Variants in GAN observed in about 807,000 individuals in gnomAD.
GAN encodes gigaxonin.
GAN carries 48 observed loss-of-function variants against 71.3 expected under a neutral mutation model. The observed-to-expected ratio is 0.67, with a 90% CI of 0.53 to 0.86. The LOEUF is 0.86. GAN is among the 40% of genes least tolerant of loss of function. The pLI is 0.00. For missense variants in GAN, 928 were observed against 770.1 expected (o/e 1.21, Z -2.43); for synonymous variants, 386 against 276.8 (o/e 1.39, Z -3.92).
In GAN at chr16:81,388,374, A is replaced by G. The variant is rs1904465217; in HGVS notation, c.*10778A>G. 1 of 152,398 alleles carries G rather than the reference A, an allele frequency of 6.6e-6. No homozygotes were observed. Among genetic ancestry groups the G allele is most frequent in the South Asian group, 2.1e-4 (1 of 4,830 alleles). 9.4% of individuals were successfully genotyped at this position (152,398 alleles called of 1,614,324 possible). ...CTCACAGATCCCTGAGCAGACCTGC[A>G]TACTAGCACTTTCCACAACCAGCTG... On this transcript the variant is annotated 3_prime_UTR_variant, in exon 11 of 11. Coordinates refer to ENST00000648994, the MANE Select transcript of GAN (RefSeq NM_022041.4).
intron 1 of GAN, among the ~76,000 whole-genome samples, chr16:81,335,666 G>T (rs1228921476): frequency 6.8e-6 from 1 of 146,578 alleles, no homozygotes; most frequent in Non-Finnish European, 1.5e-5. Flanking sequence ...AGAATCGCTT[G>T]AACTCGGGAG....
intron 1 of GAN, among the ~76,000 whole-genome samples, chr16:81,337,882 G>A (rs1909817084): frequency 6.6e-6 from 1 of 152,174 alleles, no homozygotes; most frequent in Admixed American, 6.5e-5. Flanking sequence ...TGTGCAAGAA[G>A]TATATTATAA....
chr16:81,340,151 A>G (rs1374909925), intron 1 of GAN, among the ~76,000 whole-genome samples: 1 of 152,092 alleles, frequency 6.6e-6, no homozygotes, highest in East Asian at 1.9e-4. Flanking sequence ...GTTGCCCACA[A>G]TGGTCTTGAA....
chr16:81,339,076 C>A (rs553521004), intron 1 of GAN, among the ~76,000 whole-genome samples: 1 of 152,284 alleles, frequency 6.6e-6, no homozygotes, highest in South Asian at 2.1e-4. Flanking sequence ...AAATATTCAT[C>A]TGGGATTAAT....
At position 81,390,083 on chromosome 16, in the gene GAN, T is replaced by TGA. The variant is rs1358787571; in HGVS notation, c.*12488_*12489dup. The TGA allele has an allele frequency of 6.6e-6, 1 of 152,184 alleles. No individual in the cohort carries two copies. Among genetic ancestry groups the TGA allele is most frequent in the Admixed American group, 6.5e-5 (1 of 15,278 alleles). The allele number at this position is 152,184 out of a possible 1,614,324, so 9.4% of individuals were successfully genotyped here. A position where few individuals can be genotyped will look rare whatever the true frequency, so the allele number is the denominator to read the frequency against. ...TATTCAGTGAAGATTGTATTGTGTG[T>TGA]GATATTATCCTATCTTTAATAAAGT... On this transcript the variant is annotated 3_prime_UTR_variant, in exon 11 of 11. Transcript: ENST00000648994.
intron 1 of GAN, among the ~76,000 whole-genome samples, chr16:81,322,657 T>G (rs1909257269): frequency 6.6e-6 from 1 of 152,248 alleles, no homozygotes; most frequent in South Asian, 2.1e-4. Context: ...CATTTGATGC[T>G]TGTGATTTTT....
In GAN at chr16:81,344,685, A is replaced by G. The variant is rs541452350; in HGVS notation, c.168-6898A>G. Among the ~76,000 whole-genome samples, 5 of 152,348 alleles carry G rather than the reference A, an allele frequency of 3.3e-5. No individual in the cohort carries two copies. In the South Asian group the frequency reaches 8.3e-4, roughly 25 times the overall value. ...GAAGAAAACCTGGGCAATACCATTC[A>G]AGACAAAGGCATGGGCAAAGACCAT... On this transcript the variant is annotated intron_variant, in intron 1 of 10. Coordinates refer to ENST00000648994, the MANE Select transcript of GAN (RefSeq NM_022041.4).
At chr16:81,322,182 A>G (rs981399397) in intron 1 of GAN, among the ~76,000 whole-genome samples, 2 of 152,264 alleles carry the variant, frequency 1.3e-5, no homozygotes, top group Non-Finnish European at 2.9e-5. Context: ...ACTGCAAAAT[A>G]GAAATACGTA....
rs1422128742 is a variant in GAN at position 81,384,087 on chromosome 16, A to G, written c.*6491A>G. On this transcript the variant is annotated 3_prime_UTR_variant, in exon 11 of 11. Coordinates refer to ENST00000648994, the MANE Select transcript of GAN (RefSeq NM_022041.4). ...ACTTGCTTTATCATGTTTCCTGTTTAATTGGATGAGAATTACATGCACTTA... is the reference window on the plus strand; with the variant it reads ...ACTTGCTTTATCATGTTTCCTGTTTGATTGGATGAGAATTACATGCACTTA... 2.6e-5 allele frequency: 4 copies of G among 152,056 alleles called. No homozygotes were observed. Among genetic ancestry groups the G allele is most frequent in the African/African-American group, 7.2e-5 (3 of 41,420 alleles). The allele number at this position is 152,056 out of a possible 1,614,324, so 9.4% of individuals were successfully genotyped here.
In GAN at chr16:81,371,700, C is replaced by T. The variant is rs114956581; in HGVS notation, c.1503-5519C>T. ...TCCTGGTTGCCCCAAGACCCCTTTT[C>T]CTGATTGCTGAGTCCTGTAGCCAGA... On this transcript the variant is annotated intron_variant, in intron 9 of 10. Transcript: ENST00000648994. Among the ~76,000 whole-genome samples the T allele has an allele frequency of 4.4e-3, 672 of 152,286 alleles. 4 individuals carry two copies. The highest frequency in any genetic ancestry group is 0.015 in the African/African-American group (644 of 41,552).
Position 81,362,567 on chromosome 16 carries a change from G to A in GAN, c.1042G>A (p.Asp348Asn), listed in dbSNP as rs1283761305. 6.2e-7 allele frequency: 1 copy of A among 1,608,722 alleles called. No homozygotes were observed. The part of the protein sequence containing the change: ...KQTLSSGEKY[D>N]PDANTWTALP... The stretch of plus-strand genomic sequence containing the variant: ...GACTCTTAGCTCAGGAGAAAAGTAT[G>A]ATCCAGATGCAAATACATGGACAGC... The change falls in exon 6 of 11, where the codon GAT becomes AAT. Residue 348 changes from aspartate to asparagine, a missense_variant. Physicochemically the swap from Asp to Asn is conservative, Grantham distance 23. Coordinates refer to ENST00000648994, the MANE Select transcript of GAN (RefSeq NM_022041.4).
intron 1 of GAN, among the ~76,000 whole-genome samples, chr16:81,339,909 A>G (rs903879600): frequency 6.6e-6 from 1 of 152,154 alleles, no homozygotes; most frequent in Non-Finnish European, 1.5e-5. Flanking sequence ...TAAAGTTTTG[A>G]TACTTAACCT....
intron 1 of GAN, among the ~76,000 whole-genome samples, chr16:81,315,702 G>T (rs1001884703): frequency 2.6e-5 from 4 of 152,208 alleles, no homozygotes; most frequent in Non-Finnish European, 5.9e-5. Context: ...CCCAGGCCGG[G>T]CCCGCGGTCC....
rs912711664 is a variant in GAN at position 81,334,524 on chromosome 16, A to G, written c.168-17059A>G. Among the ~76,000 whole-genome samples the G allele has an allele frequency of 3.9e-5, 6 of 152,312 alleles. No individual in the cohort carries two copies. The South Asian group carries it at 1.2e-3, about 32-fold the overall frequency. Reference sequence around the variant, plus strand: ...AAGCGGGCTGAGATGGGGTGCAACTAGGTTTATTCCCAAATGAAAGCCTCC... The same window carrying G: ...AAGCGGGCTGAGATGGGGTGCAACTGGGTTTATTCCCAAATGAAAGCCTCC... On this transcript the variant is annotated intron_variant, in intron 1 of 10. Transcript: ENST00000648994.
At chr16:81,330,929 A>G (rs1909555618) in intron 1 of GAN, among the ~76,000 whole-genome samples, 1 of 152,234 alleles carries the variant, frequency 6.6e-6, no homozygotes, top group Non-Finnish European at 1.5e-5. Context: ...TTAAACAGGC[A>G]GGCATGGTGG....
At position 81,380,996 on chromosome 16, in the gene GAN, T is replaced by G. The variant is rs1296588670; in HGVS notation, c.*3400T>G. The G allele has an allele frequency of 6.6e-6, 1 of 152,202 alleles. No individual in the cohort carries two copies. The highest frequency in any genetic ancestry group is 1.5e-5 in the Non-Finnish European group (1 of 68,030). The allele number at this position is 152,202 out of a possible 1,614,324, so 9.4% of individuals were successfully genotyped here. On this transcript the variant is annotated 3_prime_UTR_variant, in exon 11 of 11. Transcript: ENST00000648994. ...TGGTGTTTTGTTTGTAAACACTTTG[T>G]TATATTGCACTACCACTTTAATGAT...
chr16:81,350,546 C>T (rs550800177), intron 1 of GAN, among the ~76,000 whole-genome samples: 2 of 146,608 alleles, frequency 1.4e-5, no homozygotes, highest in South Asian at 2.1e-4. Flanking sequence ...GGCAGAGTCT[C>T]GCTCTGTCAC....
Position 81,387,170 on chromosome 16 carries a change from C to T in GAN, c.*9574C>T, listed in dbSNP as rs955544447. On this transcript the variant is annotated 3_prime_UTR_variant, in exon 11 of 11. Transcript: ENST00000648994. Reference sequence around the variant, plus strand: ...CAAGATGTGTTGGGTGTTAGATCTGCAATACTCTTCATAGTGTAATGGCTA... The same window carrying T: ...CAAGATGTGTTGGGTGTTAGATCTGTAATACTCTTCATAGTGTAATGGCTA... 3.3e-5 allele frequency: 5 copies of T among 151,996 alleles called. No individual in the cohort carries two copies. Among genetic ancestry groups the T allele is most frequent in the Non-Finnish European group, 7.4e-5 (5 of 68,002 alleles). The allele number at this position is 151,996 out of a possible 1,614,324, so 9.4% of individuals were successfully genotyped here. A position where few individuals can be genotyped will look rare whatever the true frequency, so the allele number is the denominator to read the frequency against.
At chr16:81,324,381 G>T (rs530691016) in intron 1 of GAN, among the ~76,000 whole-genome samples, 1 of 152,098 alleles carries the variant, frequency 6.6e-6, no homozygotes, top group East Asian at 1.9e-4. Context: ...CCTGGGTGAC[G>T]GGATCCCTGC....
Sources: gnomAD v4.1 joint callset for allele counts (sites outside exome capture counted in the v4.1 genomes callset) on GRCh38, gnomAD v4.1.1 for gene constraint, MANE v1.5 for transcripts, NCBI Gene and HGNC (gene_info 2026-07-23, HGNC 2026-07-21) for gene names.